RAB21: variants seen among roughly 807,000 people sequenced by gnomAD.
The protein encoded by RAB21 is RAB21, member RAS oncogene family.
Under a neutral mutation model 33.1 loss-of-function variants are expected in RAB21, and 13 were observed. The observed-to-expected ratio is 0.39, with a 90% CI of 0.26 to 0.62. The LOEUF (loss-of-function observed/expected upper bound fraction) is 0.62, where lower values mean the gene tolerates loss of function less well. Ranked by LOEUF, RAB21 falls within the 20% of genes least tolerant of loss-of-function variation. RAB21 has a pLI of 0.48. For missense variants in RAB21, 234 were observed against 279.1 expected, an observed-to-expected ratio of 0.84 and a Z score of 1.15; for synonymous variants, 91 against 103.7, an observed-to-expected ratio of 0.88 and a Z score of 0.74.
chr12:71,782,809 A>G (rs1266400743), intron 6 of RAB21, 151 bp downstream of exon 6: 3 of 533,502 alleles, frequency 5.6e-6, no homozygotes, highest in South Asian at 3.2e-5. Flanking sequence ...TGCTGTAACT[A>G]TTTTTTTTAA....
intron 4 of RAB21, among the ~76,000 whole-genome samples, chr12:71,775,620 T>TCC (rs199726398): frequency 0.038 from 5,746 of 152,236 alleles, 165 homozygotes; most frequent in South Asian, 0.11. Flanking sequence ...CACTGCAACC[T>TCC]CCGCCTCCTG....
intron 1 of RAB21, among the ~76,000 whole-genome samples, chr12:71,760,295 T>C (rs772930781): frequency 6.6e-6 from 1 of 152,214 alleles, no homozygotes; most frequent in Non-Finnish European, 1.5e-5. Context: ...GGTGTTTTAG[T>C]GTGGCTCTCT....
At chr12:71,767,491 GT>G (rs1044420527) in intron 1 of RAB21, among the ~76,000 whole-genome samples, 65 of 151,910 alleles carry the variant, frequency 4.3e-4, no homozygotes, top group African/African-American at 1.5e-3. Flanking sequence ...TTGTTGTGGG[GT>G]TTTTTTTGTT....
At chr12:71,758,501 T>C (rs1882822330) in intron 1 of RAB21, among the ~76,000 whole-genome samples, 1 of 151,486 alleles carries the variant, frequency 6.6e-6, no homozygotes, top group South Asian at 2.1e-4. Context: ...TTAAATCCTT[T>C]CACTTTTTTT....
In RAB21 at chr12:71,772,694, AATTGT is replaced by A. The variant is rs747519527; in HGVS notation, c.328-1260_328-1256del. On this transcript the variant is annotated intron_variant, in intron 3 of 6. Coordinates refer to ENST00000261263, the MANE Select transcript of RAB21 (RefSeq NM_014999.4). The stretch of plus-strand genomic sequence containing the variant: ...GTGGTGAAGATGTATATTTTATGCC[AATTGT>A]ATTGGCATAAAATTTTAAGTCAAAT... Among the ~76,000 whole-genome samples, 43 of 152,300 alleles carry A rather than the reference AATTGT, an allele frequency of 2.8e-4. No homozygotes were observed. The East Asian group carries it at 3.3e-3, about 12-fold the overall frequency.
chr12:71,775,715 TTAG>T (rs554238480), intron 4 of RAB21, among the ~76,000 whole-genome samples: 22 of 152,168 alleles, frequency 1.4e-4, no homozygotes, highest in Admixed American at 1.2e-3. Context: ...TTTTGTATTT[TTAG>T]TAGAGACAGG....
chr12:71,756,133 C>A (rs768422834), intron 1 of RAB21, among the ~76,000 whole-genome samples: 4 of 152,204 alleles, frequency 2.6e-5, no homozygotes, highest in Non-Finnish European at 5.9e-5. Context: ...ACTAATTTGA[C>A]TTACCAATTT....
rs563060705 is a variant in RAB21, at chr12:71,771,247, A to C, written c.327+548A>C. On this transcript the variant is annotated intron_variant, in intron 3 of 6. Transcript: ENST00000261263. The stretch of plus-strand genomic sequence containing the variant: ...AACACACCACATACGTATGACTCTT[A>C]AAGTTGTTTGGGACCAAAAATGAGT... 2.0e-5 allele frequency among the ~76,000 whole-genome samples: 3 copies of C among 152,354 alleles called. No homozygotes were observed. The South Asian group carries it at 6.2e-4, about 32-fold the overall frequency.
In RAB21 at chr12:71,788,245, C is replaced by T. The variant is rs34604751; in HGVS notation, c.*2572C>T. On this transcript the variant is annotated 3_prime_UTR_variant, in exon 7 of 7. Transcript: ENST00000261263. Reference sequence around the variant, plus strand: ...CTTTAATGAAACAGCTAGATAGGAACCTCTGCTCCAGAATTGCCAGATAAT... The same window carrying T: ...CTTTAATGAAACAGCTAGATAGGAATCTCTGCTCCAGAATTGCCAGATAAT... 2.0e-5 allele frequency: 3 copies of T among 152,192 alleles called. No individual in the cohort carries two copies. Among genetic ancestry groups the T allele is most frequent in the Non-Finnish European group, 4.4e-5 (3 of 68,022 alleles). 9.4% of individuals were successfully genotyped at this position (152,192 alleles called of 1,614,324 possible).
rs1399792699 is a variant in RAB21, at chr12:71,789,574, G to T, written c.*3901G>T. The T allele has an allele frequency of 6.6e-6, 1 of 152,040 alleles. No homozygotes were observed. Among genetic ancestry groups the T allele is most frequent in the Non-Finnish European group, 1.5e-5 (1 of 67,948 alleles). 9.4% of individuals were successfully genotyped at this position (152,040 alleles called of 1,614,324 possible). ...TAAGATGCTGATATTTTCTGGAAAA[G>T]GATATAGATAGTAGTAGTGACCCGC... On this transcript the variant is annotated 3_prime_UTR_variant, in exon 7 of 7. Transcript: ENST00000261263.
chr12:71,755,228 G>A lies in RAB21; in HGVS notation c.99G>A (p.Thr33=). The change falls in exon 1 of 7, where the codon ACG becomes ACA. Residue 33 remains threonine (T), a synonymous_variant. Transcript: ENST00000261263. The part of the protein sequence containing the change: ...VLLGEGCVGK[T]SLVLRYCENK... ...TGGGGGAAGGCTGCGTGGGGAAGACGTCGCTGGTGCTGCGCTACTGCGAGA... is the reference window on the plus strand; with the variant it reads ...TGGGGGAAGGCTGCGTGGGGAAGACATCGCTGGTGCTGCGCTACTGCGAGA... The A allele has an allele frequency of 6.5e-7, 1 of 1,543,612 alleles. No homozygotes were observed. The highest frequency in any genetic ancestry group is 1.2e-5 in the South Asian group (1 of 81,158).
intron 4 of RAB21, among the ~76,000 whole-genome samples, chr12:71,777,195 A>G (rs983770349): frequency 1.3e-5 from 2 of 152,156 alleles, no homozygotes; most frequent in African/African-American, 4.8e-5. Flanking sequence ...TTTCATCCCA[A>G]CACTCACAGT....
Position 71,787,980 on chromosome 12 carries a change from A to G in RAB21, c.*2307A>G, listed in dbSNP as rs1035510750. The G allele has an allele frequency of 6.6e-6, 1 of 152,126 alleles. No homozygotes were observed. The highest frequency in any genetic ancestry group is 2.4e-5 in the African/African-American group (1 of 41,426). The allele number at this position is 152,126 out of a possible 1,614,324, so 9.4% of individuals were successfully genotyped here. On this transcript the variant is annotated 3_prime_UTR_variant, in exon 7 of 7. Coordinates refer to ENST00000261263, the MANE Select transcript of RAB21 (RefSeq NM_014999.4). The stretch of plus-strand genomic sequence containing the variant: ...GAAATAAGCTTTTCTCATTACAGTG[A>G]AATATGTTTTAAAAACTAGAGTAGC...
In RAB21 at chr12:71,760,480, C is replaced by T. The variant is rs578022385; in HGVS notation, c.159+5192C>T. Among the ~76,000 whole-genome samples the T allele has an allele frequency of 1.3e-4, 20 of 152,278 alleles. No homozygotes were observed. In the East Asian group the frequency reaches 3.3e-3, roughly 25 times the overall value. On this transcript the variant is annotated intron_variant, in intron 1 of 6. Transcript: ENST00000261263. ...GAGTGAGGGAGTTACTACTGTTTCTCTGGAATTTACGAAGGCAATACTGTT... is the reference window on the plus strand; with the variant it reads ...GAGTGAGGGAGTTACTACTGTTTCTTTGGAATTTACGAAGGCAATACTGTT...
chr12:71,757,345 G>A (rs1011744905), intron 1 of RAB21, among the ~76,000 whole-genome samples: 1 of 152,086 alleles, frequency 6.6e-6, no homozygotes, highest in Admixed American at 6.5e-5. Context: ...CCTGACCTCA[G>A]GTGATTTGCC....
In RAB21 at chr12:71,755,292, C is replaced by T. The variant is rs544132386; in HGVS notation, c.159+4C>T. 3 of 1,513,170 alleles carry T rather than the reference C, an allele frequency of 2.0e-6. No homozygotes were observed. The highest frequency in any genetic ancestry group is 1.8e-6 in the Non-Finnish European group (2 of 1,134,598). 93.7% of individuals were successfully genotyped at this position (1,513,170 alleles called of 1,614,324 possible). A position where few individuals can be genotyped will look rare whatever the true frequency, so the allele number is the denominator to read the frequency against. On this transcript the variant is annotated splice_donor_region_variant and intron_variant, in intron 1 of 6. Transcript: ENST00000261263. ...CAAGCACATCACCACTCTGCAGGTGCGGACCTCGGGGAGCGGGAGGGGGCG... is the reference window on the plus strand; with the variant it reads ...CAAGCACATCACCACTCTGCAGGTGTGGACCTCGGGGAGCGGGAGGGGGCG...
chr12:71,784,152 CTAATT>C (rs1482773708), intron 6 of RAB21, among the ~76,000 whole-genome samples: 2 of 152,178 alleles, frequency 1.3e-5, no homozygotes, highest in African/African-American at 4.8e-5. Context: ...AGAGCAGTCT[CTAATT>C]TAAGAGCCCT....
intron 4 of RAB21, chr12:71,774,276 GTC>G (rs1883085839): frequency 9.6e-6 from 1 of 104,288 alleles, no homozygotes; most frequent in Non-Finnish European, 1.7e-5. Context: ...GCGAAACCCT[GTC>G]TCTCTAAAAA....
intron 1 of RAB21, among the ~76,000 whole-genome samples, chr12:71,759,440 T>C (rs749040694): frequency 6.6e-6 from 1 of 152,270 alleles, no homozygotes; most frequent in Non-Finnish European, 1.5e-5. Flanking sequence ...AGTCCAGTGA[T>C]ACATGACCAG....
Sources: allele counts gnomAD v4.1 joint callset (sites outside exome capture counted in the v4.1 genomes callset), GRCh38; gene constraint gnomAD v4.1.1; transcripts MANE v1.5; gene names NCBI Gene and HGNC (gene_info 2026-07-23, HGNC 2026-07-21).